The following TRAPPC13 variants were observed in gnomAD, a reference collection of about 807,000 sequenced individuals.
TRAPPC13 encodes REV7-interacting novel NHEJ regulator 1.
In TRAPPC13, 39 loss-of-function variants were observed where a neutral mutation model predicts 54.0. The observed-to-expected ratio is 0.72, with a 90% CI of 0.56 to 0.94. The LOEUF (loss-of-function observed/expected upper bound fraction) is 0.94. Among genes scored for constraint, TRAPPC13 ranks in the 40% least tolerant of loss-of-function variants. TRAPPC13 has a pLI of 0.00. For missense variants in TRAPPC13, 386 were observed against 488.1 expected, an observed-to-expected ratio of 0.79 and a Z score of 1.97; for synonymous variants, 148 against 167.7, an observed-to-expected ratio of 0.88 and a Z score of 0.91.
Position 65,647,047 on chromosome 5 carries a change from C to G in TRAPPC13, c.301-8C>G. 7.2e-7 allele frequency: 1 copy of G among 1,382,538 alleles called. No individual in the cohort carries two copies. The highest frequency in any genetic ancestry group is 9.4e-7 in the Non-Finnish European group (1 of 1,062,866). 85.6% of individuals were successfully genotyped at this position (1,382,538 alleles called of 1,614,324 possible). On this transcript the variant is annotated splice_region_variant and splice_polypyrimidine_tract_variant and intron_variant, in intron 4 of 12. Transcript: ENST00000399438. The stretch of plus-strand genomic sequence containing the variant: ...GGACTTTTTTTTTTTTTTTAACTTT[C>G]TTTCAAGGCTGATCTTCAGACAAGT...
At chr5:65,625,128 T>TC in intron 1 of TRAPPC13, 22 bp downstream of exon 1, 1 of 1,605,396 alleles carries the variant, frequency 6.2e-7, no homozygotes, top group Non-Finnish European at 8.5e-7. Flanking sequence ...CGAACCTGAT[T>TC]CCCCCTTTTC....
intron 1 of TRAPPC13, 172 bp downstream of exon 1, chr5:65,625,278 A>C (rs1755157455): frequency 3.2e-6 from 2 of 618,542 alleles, no homozygotes; most frequent in Non-Finnish European, 5.8e-6. Context: ...TTTTAGGTTT[A>C]TGGGCCCCTT....
chr5:65,630,813 AAAC>A (rs776633661), intron 1 of TRAPPC13: 17 of 380,832 alleles, frequency 4.5e-5, no homozygotes, highest in Non-Finnish European at 6.1e-5. Flanking sequence ...GGCTGTTTTC[AAAC>A]AACGATACAA....
chr5:65,626,296 C>T (rs1755226474), intron 1 of TRAPPC13: 1 of 152,196 alleles, frequency 6.6e-6, no homozygotes, highest in Non-Finnish European at 1.5e-5. Flanking sequence ...AACGCAAGGC[C>T]TGCCTCTCTT....
chr5:65,629,272 C>A (rs1023427323), intron 1 of TRAPPC13, among the ~76,000 whole-genome samples: 1 of 152,090 alleles, frequency 6.6e-6, no homozygotes, highest in Non-Finnish European at 1.5e-5. Flanking sequence ...TTTTATAGGG[C>A]ATCTAGTTCA....
chr5:65,652,010 C>T (rs1371665343), intron 6 of TRAPPC13, among the ~76,000 whole-genome samples: 1 of 151,544 alleles, frequency 6.6e-6, no homozygotes, highest in East Asian at 1.9e-4. Context: ...ATTACAGGCA[C>T]CCGCCACCAC....
rs1426653636 is a variant in TRAPPC13, at chr5:65,665,670, A to C, written c.*1059A>C. On this transcript the variant is annotated 3_prime_UTR_variant, in exon 13 of 13. Transcript: ENST00000399438. ...TAAATAATTCCCATCTTCTGATATG[A>C]TTTTAAACTCTAAATCATGTGTTAC... The C allele has an allele frequency of 6.6e-6, 1 of 152,128 alleles. No homozygotes were observed. Among genetic ancestry groups the C allele is most frequent in the Non-Finnish European group, 1.5e-5 (1 of 67,998 alleles). 9.4% of individuals were successfully genotyped at this position (152,128 alleles called of 1,614,324 possible). A position where few individuals can be genotyped will look rare whatever the true frequency, so the allele number is the denominator to read the frequency against.
chr5:65,661,792 C>A, intron 10 of TRAPPC13: 1 of 304,588 alleles, frequency 3.3e-6, no homozygotes. Flanking sequence ...GACTACTTAC[C>A]TGTGAGATTC....
At chr5:65,635,444 A>G in intron 2 of TRAPPC13, 75 bp downstream of exon 2, 1 of 1,167,580 alleles carries the variant, frequency 8.6e-7, no homozygotes, top group African/African-American at 1.5e-5. Flanking sequence ...CCTTGGACTA[A>G]GCCTAGCCCT....
At chr5:65,630,045 A>G in intron 1 of TRAPPC13, 5 of 1,536,112 alleles carry the variant, frequency 3.3e-6, no homozygotes, top group Non-Finnish European at 4.4e-6. Flanking sequence ...AAAAAATTGC[A>G]AGATAGTTTA....
intron 10 of TRAPPC13, 65 bp downstream of exon 10, chr5:65,660,962 A>AT (rs1248380992): frequency 7.4e-7 from 1 of 1,358,870 alleles, no homozygotes; most frequent in Non-Finnish European, 1.0e-6. Context: ...GAACAACTTA[A>AT]TTTTTTCTAC....
Position 65,636,013 on chromosome 5 carries a change from GA to G in TRAPPC13, c.186del (p.Glu63LysfsTer3). 1 of 1,598,850 alleles carries G rather than the reference GA, an allele frequency of 6.3e-7. No individual in the cohort carries two copies. The highest frequency in any genetic ancestry group is 8.5e-7 in the Non-Finnish European group (1 of 1,171,916). On this transcript the variant is annotated frameshift_variant, in exon 3 of 13. Coordinates refer to ENST00000399438, the MANE Select transcript of TRAPPC13 (RefSeq NM_024941.4). LOFTEE classifies it high-confidence loss of function. Reference sequence around the variant, plus strand: ...AATGGTGCAGAAGTTTTAATGTTGGGAGAAATGCTGACTTTACCACAGAATT... The same window carrying G: ...AATGGTGCAGAAGTTTTAATGTTGGGGAAATGCTGACTTTACCACAGAATT... Reference protein sequence around the residue: ...TVNGAEVLMLGEMLTLPQNFG... With the variant: ...TVNGAEVLMLXEMLTLPQNFG...
chr5:65,625,222 C>G, intron 1 of TRAPPC13, 116 bp downstream of exon 1: 2 of 888,702 alleles, frequency 2.3e-6, no homozygotes, highest in Non-Finnish European at 3.7e-6. Flanking sequence ...CCCTCCTGCT[C>G]TGTCCTTTGC....
chr5:65,630,151 C>T, intron 1 of TRAPPC13: 5 of 1,536,012 alleles, frequency 3.3e-6, no homozygotes, highest in Non-Finnish European at 4.4e-6. Flanking sequence ...GGACAAAACT[C>T]AATCAAATTA....
rs1259327789 is a variant in TRAPPC13, at chr5:65,664,861, CT to C, written c.*253del. The C allele has an allele frequency of 6.5e-6, 3 of 458,428 alleles. No individual in the cohort carries two copies. The East Asian group carries it at 1.3e-4, about 20-fold the overall frequency. The allele number at this position is 458,428 out of a possible 1,614,324, so 28.4% of individuals were successfully genotyped here. On this transcript the variant is annotated 3_prime_UTR_variant, in exon 13 of 13. Transcript: ENST00000399438. ...CATTTCATTTTAGATGACCATTGGA[CT>C]TTGTTCTCCAAAAGCTGTGTATCTG...
chr5:65,662,334 CTATTG>C, intron 11 of TRAPPC13, 184 bp downstream of exon 11: 1 of 467,332 alleles, frequency 2.1e-6, no homozygotes, highest in Middle Eastern at 5.6e-4. Flanking sequence ...TTTTAAGGGC[CTATTG>C]TATTATGCAT....
chr5:65,627,973 G>A (rs1019332799), intron 1 of TRAPPC13, among the ~76,000 whole-genome samples: 1 of 152,114 alleles, frequency 6.6e-6, no homozygotes, highest in African/African-American at 2.4e-5. Context: ...CCTAGCAGTG[G>A]GAGAACCCTC....
intron 1 of TRAPPC13, chr5:65,630,632 A>T (rs1755503627): frequency 9.6e-7 from 1 of 1,038,816 alleles, no homozygotes. Flanking sequence ...TTAATCTCTA[A>T]AATCTAATTT....
chr5:65,633,430 GCCACCATGCTA>G (rs1755622192), intron 1 of TRAPPC13, among the ~76,000 whole-genome samples: 1 of 152,106 alleles, frequency 6.6e-6, no homozygotes, highest in Admixed American at 6.5e-5. Flanking sequence ...ACAGGCGCCC[GCCACCATGCTA>G]GGCTAATTTT....
Sources: gnomAD v4.1 joint callset for allele counts (sites outside exome capture counted in the v4.1 genomes callset) on GRCh38, gnomAD v4.1.1 for gene constraint, MANE v1.5 for transcripts, NCBI Gene and HGNC (gene_info 2026-07-23, HGNC 2026-07-21) for gene names.